DSG4: variants seen among roughly 807,000 people sequenced by gnomAD.
DSG4 encodes the protein desmoglein-4.
DSG4 carries 87 observed loss-of-function variants against 93.1 expected under a neutral mutation model. The observed-to-expected ratio is 0.93, with a 90% CI of 0.79 to 1.12. DSG4 has a LOEUF of 1.12. Among genes scored for constraint, DSG4 ranks in the 50% most tolerant of loss-of-function variants. The pLI, the probability that DSG4 is intolerant of heterozygous loss-of-function variation, is 0.00. For missense variants in DSG4, 1,373 were observed against 1,285.7 expected, an observed-to-expected ratio of 1.07 and a Z score of -1.04; for synonymous variants, 432 against 452.9, an observed-to-expected ratio of 0.95 and a Z score of 0.59.
intron 14 of DSG4, among the ~76,000 whole-genome samples, chr18:31,410,092 G>A (rs577029045): frequency 2.6e-4 from 40 of 152,066 alleles, no homozygotes; most frequent in Non-Finnish European, 5.1e-4. Flanking sequence ...TCTTTTATCC[G>A]AAATGCATAG....
intron 15 of DSG4, among the ~76,000 whole-genome samples, chr18:31,412,519 A>AT (rs1286230603): frequency 6.6e-6 from 1 of 152,196 alleles, no homozygotes; most frequent in Non-Finnish European, 1.5e-5. Context: ...TAGAACTAGA[A>AT]TTTTATCTCA....
intron 3 of DSG4, among the ~76,000 whole-genome samples, chr18:31,387,036 G>C (rs1435511501): frequency 6.6e-6 from 1 of 152,154 alleles, no homozygotes; most frequent in Non-Finnish European, 1.5e-5. Flanking sequence ...GAAAGGGCTG[G>C]ATCTCCAGCA....
chr18:31,388,883 C>T lies in DSG4; in HGVS notation c.382C>T (p.Arg128Trp), dbSNP rs773978247. The change falls in exon 5 of 16, where the codon CGG becomes TGG. Residue 128 changes from arginine to tryptophan, a missense_variant. By Grantham distance (101) the Arg-to-Trp change is moderately radical. Transcript: ENST00000308128. ...EITPLFLIYC[R>W]ALNSRGEDLE... ...TTCCAATTTTCCACAGATCTATTGC[C>T]GGGCTCTGAATTCACGGGGTGAAGA... 22 of 1,613,356 alleles carry T rather than the reference C, an allele frequency of 1.4e-5. No individual in the cohort carries two copies. Among genetic ancestry groups the T allele is most frequent in the Middle Eastern group, 1.6e-4 (1 of 6,078 alleles).
chr18:31,404,396 T>C (rs2072402367), intron 11 of DSG4, among the ~76,000 whole-genome samples: 1 of 152,236 alleles, frequency 6.6e-6, no homozygotes. Context: ...ACATTTTATC[T>C]ACCTTGCGTT....
intron 11 of DSG4, among the ~76,000 whole-genome samples, chr18:31,404,480 TC>T (rs2072403347): frequency 6.6e-6 from 1 of 152,152 alleles, no homozygotes; most frequent in Non-Finnish European, 1.5e-5. Flanking sequence ...CTAAGATAGC[TC>T]CCCAATCTCA....
chr18:31,377,788 G>T (rs761167116), intron 1 of DSG4, among the ~76,000 whole-genome samples: 17 of 152,170 alleles, frequency 1.1e-4, no homozygotes, highest in Non-Finnish European at 1.5e-4. Context: ...ATTAGGAACT[G>T]TACAAATTTT....
chr18:31,388,366 G>A lies in DSG4; in HGVS notation c.217-1G>A, dbSNP rs1299227964. 6.2e-7 allele frequency: 1 copy of A among 1,612,804 alleles called. No homozygotes were observed. Among genetic ancestry groups the A allele is most frequent in the Non-Finnish European group, 8.5e-7 (1 of 1,179,306 alleles). On this transcript the variant is annotated splice_acceptor_variant, in intron 3 of 15. Transcript: ENST00000308128. LOFTEE classifies it high-confidence loss of function. ...CACAATCCTAGCTATTTTTCTTATA[G>A]ATTCGATCAGACTGCGAATCGAACC...
Position 31,413,251 on chromosome 18 carries a change from C to A in DSG4, c.2779C>A (p.Pro927Thr). 2 of 1,614,126 alleles carry A rather than the reference C, an allele frequency of 1.2e-6. No homozygotes were observed. The highest frequency in any genetic ancestry group is 1.7e-6 in the Non-Finnish European group (2 of 1,180,026). Reference sequence around the variant, plus strand: ...GCAACCCACTACAATTATTTTTGATCCTCAGCTTGCACCCAATGTTGTAGT... The same window carrying A: ...GCAACCCACTACAATTATTTTTGATACTCAGCTTGCACCCAATGTTGTAGT... ...CVQPTTIIFDPQLAPNVVVTE... is the reference protein window; with the variant it reads ...CVQPTTIIFDTQLAPNVVVTE... Residue 927 changes from proline to threonine, a missense_variant, in exon 16 of 16, where the codon CCT becomes ACT. Transcript: ENST00000308128.
At chr18:31,381,625 T>C (rs936104441) in intron 1 of DSG4, among the ~76,000 whole-genome samples, 4 of 152,204 alleles carry the variant, frequency 2.6e-5, no homozygotes, top group African/African-American at 9.6e-5. Flanking sequence ...TCTTCATTTC[T>C]TTCTCAGAAA....
rs760178832 is a variant in DSG4 at position 31,403,561 on chromosome 18, G to A, written c.1563G>A (p.Gly521=). The change falls in exon 11 of 16, where the codon GGG becomes GGA. Residue 521 remains glycine (G), a synonymous_variant. Coordinates refer to ENST00000308128, the MANE Select transcript of DSG4 (RefSeq NM_177986.5). The stretch of plus-strand genomic sequence containing the variant: ...TCTCTGTTAATGAACATTCTTATGG[G>A]TCTCCGTTTACTTTCTGTGTTGTTG... ...VLISVNEHSY[G]SPFTFCVVDE... 5 of 1,613,872 alleles carry A rather than the reference G, an allele frequency of 3.1e-6. No homozygotes were observed. The East Asian group carries it at 1.1e-4, about 36-fold the overall frequency.
At position 31,399,407 on chromosome 18, in the gene DSG4, G is replaced by A. The variant is rs778613018; in HGVS notation, c.1141G>A (p.Glu381Lys). The change falls in exon 9 of 16, where the codon GAA becomes AAA. Residue 381 changes from glutamate to lysine, a missense_variant. By Grantham distance (56) the Glu-to-Lys change is moderately conservative. Transcript: ENST00000308128. ...GAGAATTCAAGTTGTTGATGTGAGAGAAGGACCTGCATTTCATCCAAGTAC... is the reference window on the plus strand; with the variant it reads ...GAGAATTCAAGTTGTTGATGTGAGAAAAGGACCTGCATTTCATCCAAGTAC... ...PVRIQVVDVR[E>K]GPAFHPSTMA... The A allele has an allele frequency of 3.7e-6, 6 of 1,613,914 alleles. No individual in the cohort carries two copies. Among genetic ancestry groups the A allele is most frequent in the Non-Finnish European group, 4.2e-6 (5 of 1,179,930 alleles).
At chr18:31,402,523 T>G (rs2072379077) in intron 10 of DSG4, among the ~76,000 whole-genome samples, 1 of 152,148 alleles carries the variant, frequency 6.6e-6, no homozygotes, top group African/African-American at 2.4e-5. Flanking sequence ...TCATATAGAC[T>G]ATAGGTAGGC....
chr18:31,386,137 C>A (rs2072184500), intron 2 of DSG4, among the ~76,000 whole-genome samples: 1 of 151,958 alleles, frequency 6.6e-6, no homozygotes, highest in East Asian at 1.9e-4. Flanking sequence ...TCAATTCCTC[C>A]AATATTAATA....
chr18:31,406,256 G>A lies in DSG4; in HGVS notation c.1816G>A (p.Glu606Lys), dbSNP rs774744400. The A allele has an allele frequency of 4.3e-6, 7 of 1,614,104 alleles. No individual in the cohort carries two copies. The African/African-American group carries it at 9.3e-5, about 22-fold the overall frequency. Residue 606 changes from glutamate (E) to lysine (K), a missense_variant, in exon 12 of 16, where the codon GAG (glutamate) becomes AAG (lysine). Transcript: ENST00000308128. ...LDSGAAGIYT[E>K]DITGDTYGPV... is the part of the protein sequence containing the mutation. ...CTCTGGTGCCGCGGGCATCTACACAGAGGACATAACTGGTGACACGTATGG... is the reference window on the plus strand; with the variant it reads ...CTCTGGTGCCGCGGGCATCTACACAAAGGACATAACTGGTGACACGTATGG...
Position 31,414,805 on chromosome 18 carries a change from T to C in DSG4, c.*1210T>C, listed in dbSNP as rs1358826548. 2 of 152,212 alleles carry C rather than the reference T, an allele frequency of 1.3e-5. No individual in the cohort carries two copies. Among genetic ancestry groups the C allele is most frequent in the African/African-American group, 4.8e-5 (2 of 41,460 alleles). The allele number at this position is 152,212 out of a possible 1,614,324, so 9.4% of individuals were successfully genotyped here. A position where few individuals can be genotyped will look rare whatever the true frequency, so the allele number is the denominator to read the frequency against. On this transcript the variant is annotated 3_prime_UTR_variant, in exon 16 of 16. Transcript: ENST00000308128. ...GAAAAAGAATCTCTAGCCAGGTAAT[T>C]TTACTTAATTCTGTAAAATATGTAT...
intron 1 of DSG4, among the ~76,000 whole-genome samples, chr18:31,378,443 T>C (rs2072100577): frequency 6.6e-6 from 1 of 152,194 alleles, no homozygotes. Flanking sequence ...TTCTGAGCAC[T>C]AAATCTTGCC....
Position 31,413,080 on chromosome 18 carries a change from T to C in DSG4, c.2608T>C (p.Leu870=). 1.9e-6 allele frequency: 3 copies of C among 1,614,172 alleles called. No individual in the cohort carries two copies. The highest frequency in any genetic ancestry group is 2.5e-6 in the Non-Finnish European group (3 of 1,180,042). The stretch of plus-strand genomic sequence containing the variant: ...TATACCAATCAGTACTGACCTCCCT[T>C]TGCTCGGACCTAATTACTTTGTTAA... ...ACIPISTDLP[L]LGPNYFVNES... The change falls in exon 16 of 16, where the codon TTG becomes CTG. Residue 870 remains leucine (L), a synonymous_variant. Transcript: ENST00000308128.
intron 1 of DSG4, among the ~76,000 whole-genome samples, chr18:31,378,555 A>T (rs2072101716): frequency 6.6e-6 from 1 of 152,174 alleles, no homozygotes; most frequent in Admixed American, 6.6e-5. Context: ...TCAGACTCTC[A>T]GGATCTTTTT....
intron 8 of DSG4, among the ~76,000 whole-genome samples, chr18:31,392,585 G>A (rs1460697842): frequency 6.6e-6 from 1 of 152,084 alleles, no homozygotes; most frequent in Admixed American, 6.6e-5. Flanking sequence ...TAGTTGTGAA[G>A]ATAAGGTAAG....
Sources: gnomAD v4.1 joint callset for allele counts (sites outside exome capture counted in the v4.1 genomes callset) on GRCh38, gnomAD v4.1.1 for gene constraint, MANE v1.5 for transcripts, NCBI Gene and HGNC (gene_info 2026-07-23, HGNC 2026-07-21) for gene names.